NKAIN2: variants seen among roughly 807,000 people sequenced by gnomAD.
NKAIN2 encodes sodium/potassium-transporting ATPase subunit beta-1-interacting protein 2.
In NKAIN2, 14 loss-of-function variants were observed where a neutral mutation model predicts 32.6. The ratio of observed to expected loss-of-function variants is 0.43; its 90% CI spans 0.28 to 0.67. The LOEUF (loss-of-function observed/expected upper bound fraction) is 0.67, where lower values mean the gene tolerates loss of function less well. NKAIN2 is among the 30% of genes least tolerant of loss of function. NKAIN2 has a pLI of 0.17. For missense variants in NKAIN2, 198 were observed against 258.3 expected (o/e 0.77, Z 1.60); for synonymous variants, 80 against 87.2 (o/e 0.92, Z 0.46).
chr6:124,067,591 C>T (rs549260379), intron 1 of NKAIN2, among the ~76,000 whole-genome samples: 4 of 152,130 alleles, frequency 2.6e-5, no homozygotes, highest in Non-Finnish European at 5.9e-5. Context: ...ATTTGTTGAG[C>T]ATTTCTCACA....
intron 3 of NKAIN2, among the ~76,000 whole-genome samples, chr6:124,625,261 A>G (rs1783271865): frequency 6.6e-6 from 1 of 152,188 alleles, no homozygotes; most frequent in Non-Finnish European, 1.5e-5. Context: ...TCTCTACAAA[A>G]AAAACAAAAA....
chr6:124,392,405 A>G (rs1194676310), intron 3 of NKAIN2, among the ~76,000 whole-genome samples: 1 of 152,178 alleles, frequency 6.6e-6, no homozygotes, highest in Non-Finnish European at 1.5e-5. Flanking sequence ...TCTTAGCTAC[A>G]GGCACAGAGC....
intron 1 of NKAIN2, among the ~76,000 whole-genome samples, chr6:124,165,481 C>A (rs1788484944): frequency 6.6e-6 from 1 of 151,848 alleles, no homozygotes; most frequent in African/African-American, 2.4e-5. Context: ...AATATGTCCT[C>A]CAACTCTAAC....
At chr6:123,921,973 G>A (rs892407739) in intron 1 of NKAIN2, among the ~76,000 whole-genome samples, 3 of 151,952 alleles carry the variant, frequency 2.0e-5, no homozygotes, top group Admixed American at 2.0e-4. Flanking sequence ...TTTAGAGAGT[G>A]ATAAATTGTT....
intron 3 of NKAIN2, among the ~76,000 whole-genome samples, chr6:124,511,286 C>A (rs1018541639): frequency 2.6e-5 from 4 of 152,050 alleles, no homozygotes; most frequent in Non-Finnish European, 4.4e-5. Flanking sequence ...AGGCTAAAGC[C>A]ATTTTTTAAA....
intron 1 of NKAIN2, among the ~76,000 whole-genome samples, chr6:124,277,634 T>C (rs1795100037): frequency 6.6e-6 from 1 of 152,112 alleles, no homozygotes; most frequent in Non-Finnish European, 1.5e-5. Flanking sequence ...TCAATGCAAA[T>C]AGACTTTGGA....
chr6:124,250,408 A>G (rs533379610), intron 1 of NKAIN2, among the ~76,000 whole-genome samples: 3 of 152,246 alleles, frequency 2.0e-5, no homozygotes, highest in Non-Finnish European at 4.4e-5. Flanking sequence ...ATACCATAAT[A>G]AAACTATGGA....
intron 1 of NKAIN2, among the ~76,000 whole-genome samples, chr6:124,249,588 T>A (rs575680602): frequency 5.9e-5 from 9 of 151,938 alleles, no homozygotes; most frequent in African/African-American, 2.2e-4. Flanking sequence ...GATAAAAATA[T>A]TTCTAAAAAT....
intron 3 of NKAIN2, among the ~76,000 whole-genome samples, chr6:124,585,882 A>G (rs552285772): frequency 6.6e-6 from 1 of 152,294 alleles, no homozygotes; most frequent in South Asian, 2.1e-4. Flanking sequence ...ATCACTTTTT[A>G]AAAGTGGGTT....
intron 2 of NKAIN2, among the ~76,000 whole-genome samples, chr6:124,306,319 A>C (rs1583023289): frequency 6.6e-6 from 1 of 152,172 alleles, no homozygotes; most frequent in Non-Finnish European, 1.5e-5. Context: ...TTATAACTTC[A>C]AAAAGAAAGG....
At chr6:124,398,035 C>T (rs1773461817) in intron 3 of NKAIN2, among the ~76,000 whole-genome samples, 1 of 151,582 alleles carries the variant, frequency 6.6e-6, no homozygotes, top group African/African-American at 2.4e-5. Flanking sequence ...GGGCGGATCA[C>T]GAGGTCAGGA....
At chr6:124,553,558 C>T (rs1201647311) in intron 3 of NKAIN2, among the ~76,000 whole-genome samples, 1 of 152,130 alleles carries the variant, frequency 6.6e-6, no homozygotes, top group South Asian at 2.1e-4. Context: ...CCACCTGCCT[C>T]GACCTCCCAA....
At position 123,804,007 on chromosome 6, in the gene NKAIN2, TGCC is replaced by T. The variant is rs531771934; in HGVS notation, c.-176_-174del. The T allele has an allele frequency of 3.6e-3, 2,069 of 578,976 alleles. No individual in the cohort carries two copies. The highest frequency in any genetic ancestry group is 5.1e-3 in the Admixed American group (171 of 33,760). 35.9% of individuals were successfully genotyped at this position (578,976 alleles called of 1,614,324 possible). The stretch of plus-strand genomic sequence containing the variant: ...TATGTGTGGCGGGCGCGGCTGGAGC[TGCC>T]GCCGCCGCCGCCGCCGCGCCAGCAG... On this transcript the variant is annotated 5_prime_UTR_variant, in exon 1 of 7. Coordinates refer to ENST00000368417, the MANE Select transcript of NKAIN2 (RefSeq NM_001040214.3).
At chr6:123,954,977 C>T (rs1481536641) in intron 1 of NKAIN2, among the ~76,000 whole-genome samples, 1 of 151,432 alleles carries the variant, frequency 6.6e-6, no homozygotes, top group Admixed American at 6.6e-5. Context: ...GTGTACTGAG[C>T]TGGGGGTAAA....
chr6:124,227,864 G>T (rs1056091657), intron 1 of NKAIN2, among the ~76,000 whole-genome samples: 1 of 152,086 alleles, frequency 6.6e-6, no homozygotes, highest in African/African-American at 2.4e-5. Flanking sequence ...GTCTTAGTTT[G>T]GGATGCTATA....
chr6:124,686,342 G>C (rs1291671588), intron 4 of NKAIN2, among the ~76,000 whole-genome samples: 2 of 152,166 alleles, frequency 1.3e-5, no homozygotes, highest in Non-Finnish European at 2.9e-5. Flanking sequence ...CAGTTCCACA[G>C]ACTGTGCAGG....
intron 2 of NKAIN2, among the ~76,000 whole-genome samples, chr6:124,297,135 T>A (rs1323724161): frequency 6.6e-6 from 1 of 152,196 alleles, no homozygotes; most frequent in East Asian, 1.9e-4. Flanking sequence ...TTATACATAC[T>A]GTTGATCCTT....
intron 4 of NKAIN2, among the ~76,000 whole-genome samples, chr6:124,702,984 G>A (rs1283195369): frequency 6.6e-6 from 1 of 152,024 alleles, no homozygotes; most frequent in Non-Finnish European, 1.5e-5. Context: ...AGTAAACTCT[G>A]TGGGCTTAAA....
chr6:123,950,344 T>C (rs1777269193), intron 1 of NKAIN2, among the ~76,000 whole-genome samples: 1 of 152,016 alleles, frequency 6.6e-6, no homozygotes, highest in Non-Finnish European at 1.5e-5. Context: ...TTTCCTCCTT[T>C]CCAATTTTTT....
Sources: gnomAD v4.1 joint callset for allele counts (sites outside exome capture counted in the v4.1 genomes callset) on GRCh38, gnomAD v4.1.1 for gene constraint, MANE v1.5 for transcripts, NCBI Gene and HGNC (gene_info 2026-07-23, HGNC 2026-07-21) for gene names.